The following RANBP2 variants were observed in gnomAD, a reference collection of about 807,000 sequenced individuals.
RANBP2 encodes E3 SUMO-protein ligase RanBP2.
A neutral mutation model predicts 303.6 loss-of-function variants in RANBP2; 57 were observed. The ratio of observed to expected loss-of-function variants is 0.19; its 90% confidence interval spans 0.15 to 0.23. The LOEUF (loss-of-function observed/expected upper bound fraction) is 0.23. Ranked by LOEUF, RANBP2 falls within the 10% of genes least tolerant of loss-of-function variation. The pLI, the probability that RANBP2 is intolerant of heterozygous loss-of-function variation, is 1.00. For missense variants in RANBP2, 3,138 were observed against 3,780.8 expected (o/e 0.83, Z 4.46); for synonymous variants, 1,167 against 1,301.5 (o/e 0.90, Z 2.23).
At chr2:109,333,291 C>T in the RANBP2 span, among the ~76,000 whole-genome samples, 3 of 152,210 alleles carry the variant, frequency 2.0e-5, no homozygotes, top group African/African-American at 7.2e-5. Flanking sequence ...AGAGCCCTAG[C>T]ATATCCTTGC....
the RANBP2 span, among the ~76,000 whole-genome samples, chr2:109,061,576 A>T: frequency 6.6e-6 from 1 of 152,198 alleles, no homozygotes. Flanking sequence ...GAAACCATTC[A>T]TCATGCACAC....
chr2:109,144,270 TA>T, the RANBP2 span, among the ~76,000 whole-genome samples: 1 of 152,272 alleles, frequency 6.6e-6, no homozygotes, highest in African/African-American at 2.4e-5. Context: ...TATATCAAAT[TA>T]TCACTTGTAT....
the RANBP2 span, among the ~76,000 whole-genome samples, chr2:109,506,566 T>C: frequency 6.6e-6 from 1 of 152,240 alleles, no homozygotes; most frequent in Non-Finnish European, 1.5e-5. Context: ...AGGGAGACTA[T>C]TCACAGCCTT....
intron 1 of RANBP2, among the ~76,000 whole-genome samples, chr2:108,725,835 C>T (rs1358173165): frequency 2.7e-5 from 4 of 149,718 alleles, no homozygotes; most frequent in Non-Finnish European, 4.4e-5. Flanking sequence ...TTTTTTGAGA[C>T]GGAGGCTTGC....
chr2:108,898,912 A>G, the RANBP2 span, among the ~76,000 whole-genome samples: 2 of 152,206 alleles, frequency 1.3e-5, no homozygotes, highest in East Asian at 3.8e-4. Flanking sequence ...AAAAACACAG[A>G]GCCTTAGGGA....
chr2:108,971,867 G>C, the RANBP2 span, among the ~76,000 whole-genome samples: 2 of 152,182 alleles, frequency 1.3e-5, no homozygotes. Flanking sequence ...CAGAAGAGAC[G>C]GTGCAATTAC....
chr2:109,023,605 C>A, the RANBP2 span, among the ~76,000 whole-genome samples: 1 of 152,060 alleles, frequency 6.6e-6, no homozygotes, highest in Non-Finnish European at 1.5e-5. Context: ...GAATTTGAGA[C>A]CAGCCTGGAC....
At chr2:109,758,484 G>GT in the RANBP2 span, among the ~76,000 whole-genome samples, 1 of 132,566 alleles carries the variant, frequency 7.5e-6, no homozygotes, top group South Asian at 2.6e-4. Context: ...GTGACATGAA[G>GT]TAAGTTCTAA....
At chr2:108,856,194 T>C in the RANBP2 span, among the ~76,000 whole-genome samples, 1 of 152,220 alleles carries the variant, frequency 6.6e-6, no homozygotes, top group East Asian at 1.9e-4. Flanking sequence ...TCAGGGTTTC[T>C]GATTCAGGAG....
the RANBP2 span, among the ~76,000 whole-genome samples, chr2:108,819,392 C>T: frequency 6.6e-6 from 1 of 152,188 alleles, no homozygotes; most frequent in African/African-American, 2.4e-5. Flanking sequence ...TATCCAAAGT[C>T]TGCCCACAGG....
At chr2:109,520,180 A>T in the RANBP2 span, among the ~76,000 whole-genome samples, 4 of 152,234 alleles carry the variant, frequency 2.6e-5, no homozygotes, top group Admixed American at 6.5e-5. Context: ...CTCTGAATTT[A>T]TGTCTTAAAA....
the RANBP2 span, among the ~76,000 whole-genome samples, chr2:108,933,780 G>C: frequency 6.6e-6 from 1 of 152,080 alleles, no homozygotes; most frequent in Non-Finnish European, 1.5e-5. Context: ...TCGGGGTGGC[G>C]GGGAGGCAAG....
chr2:109,675,887 G>A, the RANBP2 span, among the ~76,000 whole-genome samples: 1 of 152,140 alleles, frequency 6.6e-6, no homozygotes, highest in South Asian at 2.1e-4. Context: ...GTGTCTGGGA[G>A]GGCCCAGAGA....
the RANBP2 span, among the ~76,000 whole-genome samples, chr2:109,073,409 C>T: frequency 6.6e-6 from 1 of 152,160 alleles, no homozygotes; most frequent in Admixed American, 6.5e-5. Flanking sequence ...TGGCTCACAC[C>T]TGTAATCCCA....
At chr2:109,007,403 A>G in the RANBP2 span, among the ~76,000 whole-genome samples, 6 of 152,016 alleles carry the variant, frequency 3.9e-5, no homozygotes. Flanking sequence ...TTCTGGGAAC[A>G]CTCTTCCTGG....
At chr2:109,357,934 T>C in the RANBP2 span, among the ~76,000 whole-genome samples, 1 of 152,212 alleles carries the variant, frequency 6.6e-6, no homozygotes, top group South Asian at 2.1e-4. Context: ...GTTATTACTC[T>C]AAGCCTATAG....
chr2:109,079,407 G>T, the RANBP2 span, among the ~76,000 whole-genome samples: 3 of 152,084 alleles, frequency 2.0e-5, no homozygotes, highest in Non-Finnish European at 4.4e-5. Context: ...GTTAAGTTTT[G>T]GGGGAGTCAA....
chr2:109,288,815 C>CTTTTTTTTTTTTTTTTT, the RANBP2 span, among the ~76,000 whole-genome samples: 8 of 152,138 alleles, frequency 5.3e-5, no homozygotes, highest in African/African-American at 1.7e-4. Context: ...AAATCACTTT[C>CTTTTTTTTTTTTTTTTT]TTATTTAGTA....
At chr2:109,019,730 T>G in the RANBP2 span, among the ~76,000 whole-genome samples, 1 of 152,210 alleles carries the variant, frequency 6.6e-6, no homozygotes, top group Non-Finnish European at 1.5e-5. Flanking sequence ...AACCTATCAT[T>G]CTGTCCATCT....
Sources: allele counts gnomAD v4.1 joint callset (sites outside exome capture counted in the v4.1 genomes callset), GRCh38; gene constraint gnomAD v4.1.1; transcripts MANE v1.5; gene names NCBI Gene and HGNC (gene_info 2026-07-23, HGNC 2026-07-21).